The following ENAH variants were observed in gnomAD, a reference collection of about 807,000 sequenced individuals.
ENAH encodes the protein protein enabled homolog.
In ENAH, 23 loss-of-function variants were observed where a neutral mutation model predicts 78.7. The ratio of observed to expected loss-of-function variants is 0.29; its 90% confidence interval spans 0.21 to 0.41. The LOEUF (loss-of-function observed/expected upper bound fraction) is 0.41, where lower values mean the gene tolerates loss of function less well. Among genes scored for constraint, ENAH ranks in the 10% least tolerant of loss-of-function variants. ENAH has a pLI of 1.00. For missense variants in ENAH, 544 were observed against 691.0 expected (o/e 0.79, Z 2.39); for synonymous variants, 226 against 241.0 (o/e 0.94, Z 0.58).
At chr1:225,608,034 G>A (rs922889752) in intron 1 of ENAH, among the ~76,000 whole-genome samples, 1 of 151,416 alleles carries the variant, frequency 6.6e-6, no homozygotes, top group African/African-American at 2.4e-5. Flanking sequence ...AATCAAAACA[G>A]AGCAAGGGAA....
At chr1:225,640,244 ATTC>A (rs1474720173) in intron 1 of ENAH, among the ~76,000 whole-genome samples, 2 of 152,226 alleles carry the variant, frequency 1.3e-5, no homozygotes, top group Non-Finnish European at 2.9e-5. Context: ...CACTTGATTC[ATTC>A]TTCTTTCATT....
At chr1:225,574,055 A>G (rs917784482) in intron 1 of ENAH, among the ~76,000 whole-genome samples, 1 of 152,206 alleles carries the variant, frequency 6.6e-6, no homozygotes, top group African/African-American at 2.4e-5. Context: ...ATGAACTAAG[A>G]TGTCATTTAT....
chr1:225,620,463 G>A (rs1261904269), intron 1 of ENAH, among the ~76,000 whole-genome samples: 2 of 151,970 alleles, frequency 1.3e-5, no homozygotes, highest in Admixed American at 6.6e-5. Flanking sequence ...CCCAGGGGGC[G>A]GAGGTTGCAG....
chr1:225,591,974 T>A (rs554626017), intron 1 of ENAH, among the ~76,000 whole-genome samples: 1 of 152,206 alleles, frequency 6.6e-6, no homozygotes, highest in East Asian at 1.9e-4. Flanking sequence ...AGTTTTTATT[T>A]AGCCTCATTA....
intron 1 of ENAH, among the ~76,000 whole-genome samples, chr1:225,641,912 T>C (rs1243971027): frequency 1.3e-5 from 2 of 151,994 alleles, no homozygotes; most frequent in African/African-American, 4.8e-5. Flanking sequence ...TTCCAGCTAC[T>C]TGGGAGGCTG....
At chr1:225,640,448 C>T (rs1055592180) in intron 1 of ENAH, among the ~76,000 whole-genome samples, 9 of 152,082 alleles carry the variant, frequency 5.9e-5, no homozygotes, top group African/African-American at 2.2e-4. Flanking sequence ...AAGTAAAGAC[C>T]CCCTAAACAA....
At chr1:225,512,427 T>G (rs1395981949) in intron 9 of ENAH, among the ~76,000 whole-genome samples, 1 of 152,236 alleles carries the variant, frequency 6.6e-6, no homozygotes, top group Non-Finnish European at 1.5e-5. Context: ...AGGTTTGAAC[T>G]TCAATGCTTT....
chr1:225,646,945 G>A (rs528969483), intron 1 of ENAH, among the ~76,000 whole-genome samples: 2 of 152,120 alleles, frequency 1.3e-5, no homozygotes, highest in African/African-American at 4.8e-5. Context: ...AACAAAGCAG[G>A]GCTGGGGGCG....
intron 1 of ENAH, among the ~76,000 whole-genome samples, chr1:225,619,092 TAC>T (rs373789317): frequency 2.3e-4 from 35 of 149,764 alleles, no homozygotes; most frequent in East Asian, 5.8e-4. Context: ...TACAACCCAG[TAC>T]ACACACACAC....
intron 1 of ENAH, among the ~76,000 whole-genome samples, chr1:225,600,882 T>TA (rs1211027448): frequency 2.0e-5 from 3 of 151,014 alleles, no homozygotes; most frequent in South Asian, 4.2e-4. Context: ...TAAAAAAGAC[T>TA]AAAAAAAAGA....
At chr1:225,634,540 G>A (rs764513880) in intron 1 of ENAH, among the ~76,000 whole-genome samples, 19 of 152,140 alleles carry the variant, frequency 1.2e-4, no homozygotes, top group Non-Finnish European at 2.6e-4. Flanking sequence ...GGAATTATCT[G>A]GCCCCAAACA....
chr1:225,517,981 G>A (rs746347246), intron 5 of ENAH: 1 of 1,541,542 alleles, frequency 6.5e-7, no homozygotes, highest in South Asian at 1.2e-5. Context: ...GGAGCTGTCT[G>A]AAGATGGAGC....
intron 3 of ENAH, among the ~76,000 whole-genome samples, chr1:225,542,874 C>T (rs1239697540): frequency 6.6e-6 from 1 of 152,002 alleles, no homozygotes; most frequent in Admixed American, 6.6e-5. Context: ...TAAAAATGAG[C>T]TGGGTGTGGT....
intron 1 of ENAH, among the ~76,000 whole-genome samples, chr1:225,628,649 G>A (rs1268586344): frequency 2.6e-5 from 4 of 152,004 alleles, no homozygotes; most frequent in Non-Finnish European, 4.4e-5. Flanking sequence ...AGTGGCTCAC[G>A]CCTGGAATCC....
chr1:225,488,535 A>C lies in ENAH; in HGVS notation c.*9240T>G, dbSNP rs1317325719. ...CCTCAAAAATTAAAAAAAAAATTCTATGCAAATATGTAAGTACTGTCATTG... is the reference window on the plus strand; with the variant it reads ...CCTCAAAAATTAAAAAAAAAATTCTCTGCAAATATGTAAGTACTGTCATTG... On this transcript the variant is annotated 3_prime_UTR_variant, in exon 14 of 14. Coordinates refer to ENST00000366843, the MANE Select transcript of ENAH (RefSeq NM_018212.6). The C allele has an allele frequency of 2.0e-5, 3 of 152,178 alleles. No homozygotes were observed. The highest frequency in any genetic ancestry group is 7.2e-5 in the African/African-American group (3 of 41,448). 9.4% of individuals were successfully genotyped at this position (152,178 alleles called of 1,614,324 possible).
Position 225,519,292 on chromosome 1 carries a change from C to T in ENAH, c.708G>A (p.Glu236=). 6.2e-7 allele frequency: 1 copy of T among 1,614,146 alleles called. No individual in the cohort carries two copies. The highest frequency in any genetic ancestry group is 8.5e-7 in the Non-Finnish European group (1 of 1,180,004). The change falls in exon 5 of 14, where the codon GAG becomes GAA. Residue 236 remains glutamate (E), a synonymous_variant. Transcript: ENST00000366843. ...TTTCTTGCCTCTCCCGTTCCAGTCT[C>T]TCCAGCCTCTCTCGTTCTTGTCTTT... is the stretch of plus-strand genomic sequence containing the variant. ...RQERQERERL[E]RLERERQERE...
intron 3 of ENAH, among the ~76,000 whole-genome samples, chr1:225,550,588 A>T (rs1213767987): frequency 6.6e-6 from 1 of 152,226 alleles, no homozygotes; most frequent in Non-Finnish European, 1.5e-5. Context: ...AGAGATTTTT[A>T]AATGCTGTGA....
intron 6 of ENAH, 129 bp downstream of exon 6, chr1:225,517,067 A>T: frequency 1.7e-6 from 1 of 593,808 alleles, no homozygotes; most frequent in South Asian, 6.5e-5. Flanking sequence ...AAAAAAAAAA[A>T]GCATGGCATT....
Position 225,493,611 on chromosome 1 carries a change from G to GA in ENAH, c.*4163dup, listed in dbSNP as rs34534944. The GA allele has an allele frequency of 2.0e-4, 30 of 152,272 alleles. No homozygotes were observed. The highest frequency in any genetic ancestry group is 7.2e-4 in the African/African-American group (30 of 41,556). The allele number at this position is 152,272 out of a possible 1,614,324, so 9.4% of individuals were successfully genotyped here. On this transcript the variant is annotated 3_prime_UTR_variant, in exon 14 of 14. Coordinates refer to ENST00000366843, the MANE Select transcript of ENAH (RefSeq NM_018212.6). ...ATTAAAAACAAAAGTGGTGCTACCA[G>GA]AAAAAGGTTTGGAGTTTGGAAGTGA... is the stretch of plus-strand genomic sequence containing the variant.
Sources: allele counts gnomAD v4.1 joint callset (sites outside exome capture counted in the v4.1 genomes callset), GRCh38; gene constraint gnomAD v4.1.1; transcripts MANE v1.5; gene names NCBI Gene and HGNC (gene_info 2026-07-23, HGNC 2026-07-21).